LRRC37A2: variants seen among roughly 807,000 people sequenced by gnomAD.
LRRC37A2 encodes leucine rich repeat containing 37 member A2.
Under a neutral mutation model 68.8 loss-of-function variants are expected in LRRC37A2, and 9 were observed. The ratio of observed to expected loss-of-function variants is 0.13; its 90% CI spans 0.08 to 0.23. The LOEUF (loss-of-function observed/expected upper bound fraction) is 0.23. Among genes scored for constraint, LRRC37A2 ranks in the 10% least tolerant of loss-of-function variants. The probability of loss-of-function intolerance (pLI) is 1.00; values close to 1 mark genes in which losing one functional copy is unlikely to be tolerated. For synonymous variants in LRRC37A2, 63 were observed against 367.6 expected (o/e 0.17, Z 9.48); for missense variants, 168 against 950.4 (o/e 0.18, Z 10.82).
At chr17:47,014,259 G>A in the LRRC37A2 span, among the ~76,000 whole-genome samples, 2 of 150,770 alleles carry the variant, frequency 1.3e-5, no homozygotes, top group Non-Finnish European at 3.0e-5. Flanking sequence ...GTGTGGTGGC[G>A]GGCACCTGTA....
the LRRC37A2 span, among the ~76,000 whole-genome samples, chr17:46,767,945 C>T: frequency 6.6e-6 from 1 of 152,258 alleles, no homozygotes; most frequent in East Asian, 1.9e-4. Context: ...CCTGCCACAA[C>T]GCCCGGCTAA....
chr17:46,539,212 GAAAAAAAAAA>G (rs1166753209), intron 6 of LRRC37A2, among the ~76,000 whole-genome samples: 15 of 40,030 alleles, frequency 3.7e-4, no homozygotes, highest in Non-Finnish European at 6.7e-5. Flanking sequence ...CTCCATCTCA[GAAAAAAAAAA>G]AAAAAAAAAA....
the LRRC37A2 span, among the ~76,000 whole-genome samples, chr17:46,811,330 TGG>T: frequency 6.6e-6 from 1 of 152,048 alleles, no homozygotes; most frequent in Admixed American, 6.5e-5. Context: ...GGAAACAGAA[TGG>T]GGGCTCCTGT....
chr17:46,774,377 A>C, the LRRC37A2 span, among the ~76,000 whole-genome samples: 1 of 151,714 alleles, frequency 6.6e-6, no homozygotes, highest in Admixed American at 6.6e-5. Context: ...CACACACACT[A>C]CCCTTGGCAA....
At chr17:47,036,500 G>C in the LRRC37A2 span, among the ~76,000 whole-genome samples, 9 of 151,990 alleles carry the variant, frequency 5.9e-5, no homozygotes, top group Non-Finnish European at 1.0e-4. Flanking sequence ...GACATATTTT[G>C]CATCAATTCT....
At chr17:46,890,313 G>C in the LRRC37A2 span, among the ~76,000 whole-genome samples, 1 of 152,216 alleles carries the variant, frequency 6.6e-6, no homozygotes, top group Non-Finnish European at 1.5e-5. Flanking sequence ...CAGCTGGAGG[G>C]TGCTTCAGGA....
chr17:46,712,861 A>G, the LRRC37A2 span, among the ~76,000 whole-genome samples: 1 of 152,326 alleles, frequency 6.6e-6, no homozygotes, highest in South Asian at 2.1e-4. Flanking sequence ...AGCCAAGAAA[A>G]GAAACATATT....
chr17:47,028,171 G>A, the LRRC37A2 span: 1 of 783,906 alleles, frequency 1.3e-6, no homozygotes, highest in Non-Finnish European at 2.2e-6. Flanking sequence ...AGTGCATAGA[G>A]AAAGGATTGA....
At chr17:46,797,688 T>A in the LRRC37A2 span, among the ~76,000 whole-genome samples, 1 of 152,166 alleles carries the variant, frequency 6.6e-6, no homozygotes, top group South Asian at 2.1e-4. Flanking sequence ...CACAGCGAGA[T>A]GCACATCCAT....
At chr17:46,735,950 A>G in the LRRC37A2 span, among the ~76,000 whole-genome samples, 1 of 152,134 alleles carries the variant, frequency 6.6e-6, no homozygotes, top group African/African-American at 2.4e-5. Context: ...TGTCTCAAAA[A>G]AAGAATTGCC....
chr17:46,818,756 G>A, the LRRC37A2 span: 1 of 745,690 alleles, frequency 1.3e-6, no homozygotes, highest in Non-Finnish European at 2.3e-6. Flanking sequence ...GCCCAGCGCG[G>A]AGCAGCCGGG....
chr17:46,541,137 CCT>C (rs1292705910), intron 8 of LRRC37A2, among the ~76,000 whole-genome samples: 2 of 133,478 alleles, frequency 1.5e-5, no homozygotes, highest in South Asian at 4.6e-4. Context: ...ACCATCAGCC[CCT>C]GTTAGCTACT....
chr17:46,526,440 C>T (rs1334582319), intron 6 of LRRC37A2, among the ~76,000 whole-genome samples: 2 of 103,260 alleles, frequency 1.9e-5, no homozygotes, highest in African/African-American at 7.6e-5. Context: ...TAGAGCCTAA[C>T]CTTCCAGGCT....
the LRRC37A2 span, chr17:47,010,529 T>G: frequency 6.6e-6 from 1 of 152,328 alleles, no homozygotes; most frequent in Admixed American, 6.5e-5. Flanking sequence ...TTGGCCAGTT[T>G]GCATGGTTAA....
the LRRC37A2 span, among the ~76,000 whole-genome samples, chr17:46,780,178 C>G: frequency 6.6e-6 from 1 of 152,220 alleles, no homozygotes; most frequent in African/African-American, 2.4e-5. Context: ...GTGCGTCCTG[C>G]CTGATCTGAC....
the LRRC37A2 span, among the ~76,000 whole-genome samples, chr17:46,960,544 T>TA: frequency 6.6e-6 from 1 of 152,180 alleles, no homozygotes; most frequent in African/African-American, 2.4e-5. Context: ...CACACATACA[T>TA]AAAAAAACTC....
At chr17:47,043,695 A>AT in the LRRC37A2 span, among the ~76,000 whole-genome samples, 4 of 140,738 alleles carry the variant, frequency 2.8e-5, no homozygotes, top group Admixed American at 7.3e-5. Context: ...AATTGGTCCT[A>AT]TTTTTTTTAA....
the LRRC37A2 span, among the ~76,000 whole-genome samples, chr17:46,657,440 G>C: frequency 1.3e-5 from 2 of 152,018 alleles, no homozygotes; most frequent in Non-Finnish European, 2.9e-5. Context: ...TTGAATGGCT[G>C]TGACTTTTGG....
chr17:46,755,405 A>C, the LRRC37A2 span: 5 of 1,514,756 alleles, frequency 3.3e-6, no homozygotes, highest in Non-Finnish European at 4.6e-6. Flanking sequence ...CATCAACCAA[A>C]CTTACCACCC....
Sources: allele counts gnomAD v4.1 joint callset (sites outside exome capture counted in the v4.1 genomes callset), GRCh38; gene constraint gnomAD v4.1.1; transcripts MANE v1.5; gene names NCBI Gene and HGNC (gene_info 2026-07-23, HGNC 2026-07-21).